Variants in ASCC3 observed in about 807,000 individuals in gnomAD.
ASCC3 encodes ASC-1 complex subunit P200.
A neutral mutation model predicts 256.3 loss-of-function variants in ASCC3; 158 were observed. The observed-to-expected ratio is 0.62, with a 90% CI of 0.54 to 0.70. The LOEUF is 0.70. ASCC3 is among the 30% of genes least tolerant of loss of function. ASCC3 has a pLI of 0.00. For synonymous variants in ASCC3, 948 were observed against 883.4 expected (o/e 1.07, Z -1.30); for missense variants, 2,259 against 2,626.0 (o/e 0.86, Z 3.05).
intron 4 of ASCC3, among the ~76,000 whole-genome samples, chr6:100,819,224 T>C (rs533034439): frequency 2.2e-4 from 34 of 151,820 alleles, no homozygotes; most frequent in African/African-American, 7.3e-4. Flanking sequence ...AAATGAAGAG[T>C]TGATGGGTGC....
chr6:100,618,976 C>T (rs1179197422), intron 30 of ASCC3, among the ~76,000 whole-genome samples: 1 of 152,080 alleles, frequency 6.6e-6, no homozygotes, highest in Non-Finnish European at 1.5e-5. Context: ...TTATTATGTT[C>T]TCATTAATAG....
At chr6:100,619,858 G>A (rs72610820) in intron 30 of ASCC3, among the ~76,000 whole-genome samples, 9,938 of 152,100 alleles carry the variant, frequency 0.065, 734 homozygotes, top group East Asian at 0.31. Flanking sequence ...GCTTGCAAAA[G>A]AACTAGAGGG....
At chr6:100,760,911 G>T (rs886554875) in intron 10 of ASCC3, among the ~76,000 whole-genome samples, 8 of 152,186 alleles carry the variant, frequency 5.3e-5, no homozygotes, top group Admixed American at 3.3e-4. Context: ...AACATGACGG[G>T]TTGAAGAAAT....
chr6:100,717,776 T>C (rs2115024844), intron 12 of ASCC3, among the ~76,000 whole-genome samples: 1 of 152,140 alleles, frequency 6.6e-6, no homozygotes, highest in East Asian at 1.9e-4. Flanking sequence ...TCATTTCACG[T>C]CAAAATAACG....
At chr6:100,764,097 C>T (rs1181201390) in intron 10 of ASCC3, among the ~76,000 whole-genome samples, 3 of 152,196 alleles carry the variant, frequency 2.0e-5, no homozygotes, top group African/African-American at 7.2e-5. Context: ...TGTTATCTCC[C>T]TTGTCTTTCC....
At chr6:100,878,754 A>C (rs575544450) in intron 1 of ASCC3, among the ~76,000 whole-genome samples, 1 of 152,192 alleles carries the variant, frequency 6.6e-6, no homozygotes, top group Non-Finnish European at 1.5e-5. Context: ...GAAAAAACTC[A>C]AACCGTTTTT....
chr6:100,856,265 G>T, intron 3 of ASCC3: 1 of 390,720 alleles, frequency 2.6e-6, no homozygotes, highest in Non-Finnish European at 3.5e-6. Context: ...ATATATTTAT[G>T]GATGTATAAA....
intron 37 of ASCC3, among the ~76,000 whole-genome samples, chr6:100,518,624 A>G (rs1231005743): frequency 2.0e-5 from 3 of 152,154 alleles, no homozygotes; most frequent in Admixed American, 6.6e-5. Context: ...CTGGTTTTCA[A>G]TGACAATAAT....
At chr6:100,850,690 T>C (rs1272153047) in intron 3 of ASCC3, among the ~76,000 whole-genome samples, 1 of 152,242 alleles carries the variant, frequency 6.6e-6, no homozygotes, top group African/African-American at 2.4e-5. Context: ...AAGTATGAAG[T>C]CTACTTTTAC....
At chr6:100,662,300 T>C (rs1310237640) in intron 15 of ASCC3, 45 bp downstream of exon 15, 2 of 1,588,186 alleles carry the variant, frequency 1.3e-6, no homozygotes, top group Non-Finnish European at 1.7e-6. Flanking sequence ...AGCCTTGCTT[T>C]AAGACACACA....
intron 4 of ASCC3, among the ~76,000 whole-genome samples, chr6:100,821,231 G>A (rs1324043575): frequency 1.3e-5 from 2 of 152,064 alleles, no homozygotes; most frequent in African/African-American, 4.8e-5. Context: ...GCCCAGTTGA[G>A]TCTCAAACTC....
chr6:100,511,595 A>G (rs1773766286), intron 40 of ASCC3, among the ~76,000 whole-genome samples: 1 of 152,052 alleles, frequency 6.6e-6, no homozygotes. Flanking sequence ...AGTTGAGTGT[A>G]GTGGCACATG....
intron 36 of ASCC3, among the ~76,000 whole-genome samples, chr6:100,557,616 A>G (rs1358274240): frequency 2.1e-5 from 3 of 146,048 alleles, no homozygotes; most frequent in Non-Finnish European, 4.5e-5. Flanking sequence ...TTTACCTGGT[A>G]TATCTTTTCC....
chr6:100,828,348 T>C (rs986433388), intron 4 of ASCC3, among the ~76,000 whole-genome samples: 2 of 152,166 alleles, frequency 1.3e-5, no homozygotes, highest in East Asian at 3.9e-4. Context: ...GTATCTATTG[T>C]AGTAGTTCCC....
chr6:100,643,927 A>G, intron 23 of ASCC3, 104 bp downstream of exon 23: 1 of 749,070 alleles, frequency 1.3e-6, no homozygotes, highest in Non-Finnish European at 2.2e-6. Context: ...CATAAAATAA[A>G]GTTTTAATTG....
intron 4 of ASCC3, among the ~76,000 whole-genome samples, chr6:100,822,815 T>C (rs1395489813): frequency 6.6e-6 from 1 of 152,184 alleles, no homozygotes; most frequent in Non-Finnish European, 1.5e-5. Context: ...AATGAGACCA[T>C]TTCTTCCATA....
intron 37 of ASCC3, among the ~76,000 whole-genome samples, chr6:100,521,441 G>A (rs1202608262): frequency 6.6e-6 from 1 of 152,130 alleles, no homozygotes; most frequent in Non-Finnish European, 1.5e-5. Context: ...TGTTAGTTTT[G>A]CTGTCACACC....
At chr6:100,564,333 C>T (rs968091340) in intron 36 of ASCC3, among the ~76,000 whole-genome samples, 4 of 152,168 alleles carry the variant, frequency 2.6e-5, no homozygotes, top group East Asian at 1.9e-4. Flanking sequence ...TGTGTTTGTA[C>T]GCATTAACCC....
At chr6:100,536,775 G>A (rs1562101749) in intron 37 of ASCC3, among the ~76,000 whole-genome samples, 1 of 152,100 alleles carries the variant, frequency 6.6e-6, no homozygotes, top group Non-Finnish European at 1.5e-5. Context: ...CCAGATTTTA[G>A]TTTCTACAAC....
Sources: gnomAD v4.1 joint callset for allele counts (sites outside exome capture counted in the v4.1 genomes callset) on GRCh38, gnomAD v4.1.1 for gene constraint, MANE v1.5 for transcripts, NCBI Gene and HGNC (gene_info 2026-07-23, HGNC 2026-07-21) for gene names.